The following MYLK variants were observed in gnomAD, a reference collection of about 807,000 sequenced individuals.
MYLK encodes the protein myosin light chain kinase, smooth muscle.
MYLK carries 106 observed loss-of-function variants against 203.4 expected under a neutral mutation model. That is an observed-to-expected ratio of 0.52 (90% CI 0.45 to 0.61). The LOEUF (loss-of-function observed/expected upper bound fraction) is 0.61. Ranked by LOEUF, MYLK falls within the 20% of genes least tolerant of loss-of-function variation. The probability of loss-of-function intolerance (pLI) is 0.00; values close to 1 mark genes in which losing one functional copy is unlikely to be tolerated. For synonymous variants in MYLK, 867 were observed against 959.5 expected (o/e 0.90, Z 1.78); for missense variants, 2,072 against 2,442.3 (o/e 0.85, Z 3.20).
At chr3:123,649,124 C>T (rs199655181) in intron 25 of MYLK, 38 bp downstream of exon 25, 49 of 1,613,926 alleles carry the variant, frequency 3.0e-5, no homozygotes, top group Non-Finnish European at 3.9e-5. Flanking sequence ...GCCCCCTCCA[C>T]CCCAAGAGCC....
In MYLK at chr3:123,736,166, T is replaced by C. The variant is rs544817605; in HGVS notation, c.755-750A>G. The stretch of plus-strand genomic sequence containing the variant: ...ACCAGGATTTCTTGTTTTAGTGATG[T>C]CAAGTGAAATAGAGAATACCAGCAT... On this transcript the variant is annotated intron_variant, in intron 8 of 33. Coordinates refer to ENST00000360304, the MANE Select transcript of MYLK (RefSeq NM_053025.4). 8.1e-4 allele frequency among the ~76,000 whole-genome samples: 123 copies of C among 152,286 alleles called. No homozygotes were observed. In the South Asian group the frequency reaches 0.013, roughly 16 times the overall value.
intron 18 of MYLK, among the ~76,000 whole-genome samples, chr3:123,695,249 CT>C (rs1451250641): frequency 6.6e-6 from 1 of 152,230 alleles, no homozygotes; most frequent in African/African-American, 2.4e-5. Context: ...CTTGTTCCCC[CT>C]AATCCCCCAG....
chr3:123,834,328 G>A (rs1406989778), intron 2 of MYLK, among the ~76,000 whole-genome samples: 1 of 152,182 alleles, frequency 6.6e-6, no homozygotes, highest in Admixed American at 6.5e-5. Flanking sequence ...TTACAGGCGT[G>A]AGCTACTGCG....
chr3:123,672,193 C>T (rs1030947114), intron 20 of MYLK, among the ~76,000 whole-genome samples: 4 of 130,302 alleles, frequency 3.1e-5, no homozygotes, highest in African/African-American at 1.1e-4. Context: ...AGAAGAGAGA[C>T]AGGGGCAGGG....
chr3:123,677,884 AAT>A lies in MYLK; in HGVS notation c.3652+4338_3652+4339del, dbSNP rs3085284. 3.0e-3 allele frequency among the ~76,000 whole-genome samples: 159 copies of A among 53,574 alleles called. 4 individuals are homozygous for A. The highest frequency in any genetic ancestry group is 7.9e-3 in the East Asian group (3 of 378). The allele number at this position is 53,574 out of a possible 152,430, so 35.1% of individuals were successfully genotyped here. A position where few individuals can be genotyped will look rare whatever the true frequency, so the allele number is the denominator to read the frequency against. On this transcript the variant is annotated intron_variant, in intron 20 of 33. Transcript: ENST00000360304. ...CTCTATCTAAATGAATAAATAAATG[AAT>A]ATATATATATATATATATATATATA...
At chr3:123,707,360 G>A (rs1228638605) in intron 16 of MYLK, among the ~76,000 whole-genome samples, 3 of 152,214 alleles carry the variant, frequency 2.0e-5, no homozygotes, top group African/African-American at 7.2e-5. Flanking sequence ...ATTCCCAGCT[G>A]GGAGATGATA....
rs1003536173 is a variant in MYLK at position 123,722,050 on chromosome 3, T to C, written c.1804+78A>G. On this transcript the variant is annotated intron_variant, in intron 13 of 33. Coordinates refer to ENST00000360304, the MANE Select transcript of MYLK (RefSeq NM_053025.4). ...TGGATTTGAGCTCATGATACCATTT[T>C]CTACAAATGTGCCCTTCCTCCAAAG... 2.2e-5 allele frequency: 34 copies of C among 1,534,516 alleles called. No individual in the cohort carries two copies. In the Admixed American group the frequency reaches 6.7e-4, roughly 30 times the overall value.
chr3:123,811,417 T>G (rs1434135710), intron 3 of MYLK, among the ~76,000 whole-genome samples: 1 of 152,074 alleles, frequency 6.6e-6, no homozygotes, highest in Non-Finnish European at 1.5e-5. Context: ...GAATTTGGAA[T>G]CCTATTGGAG....
At chr3:123,863,359 T>C (rs1245325276) in intron 2 of MYLK, among the ~76,000 whole-genome samples, 236 of 14,952 alleles carry the variant, frequency 0.016, 1 homozygote, top group African/African-American at 0.07. Context: ...GAAAAAAAAA[T>C]AGCCTTGCCA....
intron 2 of MYLK, among the ~76,000 whole-genome samples, chr3:123,836,262 T>C (rs976578386): frequency 6.6e-6 from 1 of 152,190 alleles, no homozygotes; most frequent in Non-Finnish European, 1.5e-5. Context: ...CAAAAGTATA[T>C]AGTGAAATGT....
At chr3:123,822,911 G>T (rs902541145) in intron 3 of MYLK, among the ~76,000 whole-genome samples, 1 of 152,136 alleles carries the variant, frequency 6.6e-6, no homozygotes, top group Non-Finnish European at 1.5e-5. Context: ...GCAGTTAAGG[G>T]ACAGCTTTAA....
chr3:123,846,459 A>G (rs913946777), intron 2 of MYLK, among the ~76,000 whole-genome samples: 1 of 152,168 alleles, frequency 6.6e-6, no homozygotes, highest in East Asian at 1.9e-4. Flanking sequence ...AGTATGCATA[A>G]TATTTCATTC....
Position 123,677,918 on chromosome 3 carries a change from T to TACAC in MYLK, c.3652+4302_3652+4305dup, listed in dbSNP as rs1227637591. Among the ~76,000 whole-genome samples the TACAC allele has an allele frequency of 2.5e-3, 196 of 78,758 alleles. 7 individuals carry two copies. The East Asian group carries it at 0.064, about 26-fold the overall frequency. The allele number at this position is 78,758 out of a possible 152,430, so 51.7% of individuals were successfully genotyped here. A position where few individuals can be genotyped will look rare whatever the true frequency, so the allele number is the denominator to read the frequency against. On this transcript the variant is annotated intron_variant, in intron 20 of 33. Transcript: ENST00000360304. The stretch of plus-strand genomic sequence containing the variant: ...ATATATATATATATATATATATATA[T>TACAC]ACACACACACACACACAGAGTACAT...
At chr3:123,828,540 T>C (rs1329993871) in intron 3 of MYLK, among the ~76,000 whole-genome samples, 1 of 152,080 alleles carries the variant, frequency 6.6e-6, no homozygotes, top group African/African-American at 2.4e-5. Context: ...AGAACATTGG[T>C]CTGGGAAAAT....
intron 4 of MYLK, among the ~76,000 whole-genome samples, chr3:123,771,923 A>AT (rs918330216): frequency 9.2e-5 from 14 of 152,176 alleles, no homozygotes; most frequent in African/African-American, 3.4e-4. Flanking sequence ...AGTGGGTATC[A>AT]TTTTTGCATA....
intron 4 of MYLK, among the ~76,000 whole-genome samples, chr3:123,787,728 G>GC (rs1384101576): frequency 6.6e-6 from 1 of 152,162 alleles, no homozygotes; most frequent in East Asian, 1.9e-4. Flanking sequence ...GATAAAAGCT[G>GC]CCTTGCCAGG....
intron 11 of MYLK, among the ~76,000 whole-genome samples, chr3:123,730,329 A>G (rs2062432751): frequency 6.6e-6 from 1 of 152,228 alleles, no homozygotes; most frequent in Admixed American, 6.5e-5. Context: ...AGAATGTAAA[A>G]TGGTGAAAAA....
chr3:123,781,508 G>C (rs760920645), intron 4 of MYLK, among the ~76,000 whole-genome samples: 2 of 152,088 alleles, frequency 1.3e-5, no homozygotes, highest in Non-Finnish European at 2.9e-5. Flanking sequence ...TGGGAGAGGG[G>C]GTAACTAGCA....
chr3:123,733,401 G>A (rs2062556716), intron 10 of MYLK, among the ~76,000 whole-genome samples: 1 of 152,174 alleles, frequency 6.6e-6, no homozygotes, highest in Non-Finnish European at 1.5e-5. Flanking sequence ...TTCGATGTTG[G>A]CGATAATGAG....
Sources: allele counts gnomAD v4.1 joint callset (sites outside exome capture counted in the v4.1 genomes callset), GRCh38; gene constraint gnomAD v4.1.1; transcripts MANE v1.5; gene names NCBI Gene and HGNC (gene_info 2026-07-23, HGNC 2026-07-21).